The following VCAN variants were observed in gnomAD, a reference collection of about 807,000 sequenced individuals.
VCAN encodes versican.
In VCAN, 44 loss-of-function variants were observed where a neutral mutation model predicts 245.5. The ratio of observed to expected loss-of-function variants is 0.18; its 90% CI spans 0.14 to 0.23. The LOEUF (loss-of-function observed/expected upper bound fraction) is 0.23. Ranked by LOEUF, VCAN falls within the 10% of genes least tolerant of loss-of-function variation. The pLI, the probability that VCAN is intolerant of heterozygous loss-of-function variation, is 1.00. For synonymous variants in VCAN, 1,413 were observed against 1,437.0 expected, an observed-to-expected ratio of 0.98 and a Z score of 0.38; for missense variants, 3,793 against 4,057.9, an observed-to-expected ratio of 0.93 and a Z score of 1.77.
chr5:83,506,397 A>G (rs1403062582), intron 5 of VCAN, among the ~76,000 whole-genome samples: 2 of 152,178 alleles, frequency 1.3e-5, no homozygotes, highest in Admixed American at 6.5e-5. Context: ...AAGTTCCACA[A>G]ATCTCTAGGG....
At chr5:83,489,976 A>G (rs1193835783) in intron 2 of VCAN, 122 bp from the exon 3 acceptor site, 3 of 976,874 alleles carry the variant, frequency 3.1e-6, no homozygotes, top group Non-Finnish European at 4.6e-6. Context: ...AGTCATTCTA[A>G]TTATGTCACA....
At chr5:83,488,393 G>GGAAGCACACCAGAGCTAAAAGATTCCTT in intron 2 of VCAN, among the ~76,000 whole-genome samples, 1 of 152,204 alleles carries the variant, frequency 6.6e-6, no homozygotes, top group Non-Finnish European at 1.5e-5. Context: ...TAGGGGCAGA[G>GGAAGCACACCAGAGCTAAAAGATTCCTT]GAAGCACACC....
intron 7 of VCAN, among the ~76,000 whole-genome samples, chr5:83,526,361 G>A (rs1746301043): frequency 6.6e-6 from 1 of 152,146 alleles, no homozygotes; most frequent in South Asian, 2.1e-4. Context: ...ATTACTTTCT[G>A]ATTTGTTATT....
chr5:83,565,915 A>T (rs1393903977), intron 12 of VCAN, among the ~76,000 whole-genome samples: 1 of 149,720 alleles, frequency 6.7e-6, no homozygotes, highest in Non-Finnish European at 1.5e-5. Flanking sequence ...GGAAAAAAAA[A>T]CCTCCTGGTT....
chr5:83,493,510 G>A lies in VCAN; in HGVS notation c.446-36G>A, dbSNP rs1229129031. Reference sequence around the variant, plus strand: ...TTTTGCACAGTGCAGTGGGAGATTTGAACAGGCTGGCAATTGTTTGCTGTT... The same window carrying A: ...TTTTGCACAGTGCAGTGGGAGATTTAAACAGGCTGGCAATTGTTTGCTGTT... On this transcript the variant is annotated intron_variant, in intron 3 of 14. Transcript: ENST00000265077. 3.7e-6 allele frequency: 6 copies of A among 1,612,348 alleles called. No individual in the cohort carries two copies. The East Asian group carries it at 1.3e-4, about 36-fold the overall frequency.
At chr5:83,489,967 G>A in intron 2 of VCAN, 131 bp from the exon 3 acceptor site, 2 of 894,588 alleles carry the variant, frequency 2.2e-6, no homozygotes, top group Admixed American at 2.4e-5. Flanking sequence ...TTTATATAAA[G>A]TCATTCTAAT....
In VCAN at chr5:83,538,127, A is replaced by C. The variant is rs750840719; in HGVS notation, c.5124A>C (p.Glu1708Asp). The change falls in exon 8 of 15, where the codon GAA becomes GAC. Residue 1708 changes from glutamate (E) to aspartate (D), a missense_variant. Glu to Asp is a conservative substitution (Grantham distance 45). Around this residue, in one of 5 missense-constraint regions of VCAN, gnomAD observed 3,182 missense variants for 3,250.3 expected, o/e 0.98. Transcript: ENST00000265077. ...AKVVPTKFVSETDTSEWISST... is the reference protein window; with the variant it reads ...AKVVPTKFVSDTDTSEWISST... Reference sequence around the variant, plus strand: ...TGGTGCCTACCAAGTTTGTAAGTGAAACAGACACTTCTGAGTGGATTTCCA... The same window carrying C: ...TGGTGCCTACCAAGTTTGTAAGTGACACAGACACTTCTGAGTGGATTTCCA... The C allele has an allele frequency of 6.2e-7, 1 of 1,614,040 alleles. No homozygotes were observed. Among genetic ancestry groups the C allele is most frequent in the Non-Finnish European group, 8.5e-7 (1 of 1,179,954 alleles).
At chr5:83,572,327 A>C in intron 12 of VCAN, 89 bp from the exon 13 acceptor site, 9 of 1,492,580 alleles carry the variant, frequency 6.0e-6, no homozygotes, top group Non-Finnish European at 8.4e-6. Context: ...TGTTGAGTCT[A>C]TTCCAATTAG....
intron 7 of VCAN, among the ~76,000 whole-genome samples, chr5:83,529,502 A>G (rs933235093): frequency 6.6e-6 from 1 of 152,096 alleles, no homozygotes; most frequent in African/African-American, 2.4e-5. Context: ...GTATATGTAT[A>G]TGAATGTATG....
At chr5:83,519,212 C>A in intron 6 of VCAN, 137 bp from the exon 7 acceptor site, 2 of 757,492 alleles carry the variant, frequency 2.6e-6, no homozygotes, top group Non-Finnish European at 4.3e-6. Flanking sequence ...AGTTTTAAGA[C>A]TCCTCTCCAT....
intron 10 of VCAN, among the ~76,000 whole-genome samples, chr5:83,551,047 T>A (rs1293262419): frequency 6.6e-6 from 1 of 151,626 alleles, no homozygotes; most frequent in Non-Finnish European, 1.5e-5. Flanking sequence ...CCCAGTTTGG[T>A]TTTAACAGAA....
intron 7 of VCAN, among the ~76,000 whole-genome samples, chr5:83,522,702 T>C (rs1746152570): frequency 6.6e-6 from 1 of 152,208 alleles, no homozygotes; most frequent in African/African-American, 2.4e-5. Flanking sequence ...GTACTTACAA[T>C]GTGGACGGCT....
chr5:83,532,157 C>T (rs969416290), intron 7 of VCAN, among the ~76,000 whole-genome samples: 6 of 152,012 alleles, frequency 3.9e-5, no homozygotes, highest in Non-Finnish European at 7.4e-5. Flanking sequence ...CACAGGTGTA[C>T]CCCCCAACCC....
rs971293466 is a variant in VCAN at position 83,496,784 on chromosome 5, G to A, written c.748+2853G>A. ...AAGATCACAAAATCATTCTTGTAAG[G>A]CTTCTCTCATTTCTTAACTGAAGTA... is the stretch of plus-strand genomic sequence containing the variant. On this transcript the variant is annotated intron_variant, in intron 5 of 14. Coordinates refer to ENST00000265077, the MANE Select transcript of VCAN (RefSeq NM_004385.5). 2.6e-5 allele frequency among the ~76,000 whole-genome samples: 4 copies of A among 152,120 alleles called. No individual in the cohort carries two copies. In the East Asian group the frequency reaches 7.7e-4, roughly 29 times the overall value.
chr5:83,561,181 A>T (rs1182999942), intron 12 of VCAN, among the ~76,000 whole-genome samples: 3 of 152,082 alleles, frequency 2.0e-5, no homozygotes, highest in African/African-American at 7.2e-5. Flanking sequence ...CTTCCTGGGA[A>T]ATTATCACAG....
At chr5:83,509,717 CG>C (rs1561237724) in intron 5 of VCAN, among the ~76,000 whole-genome samples, 2 of 152,260 alleles carry the variant, frequency 1.3e-5, no homozygotes, top group African/African-American at 4.8e-5. Context: ...ACTGTTGGCA[CG>C]CTGCCTTCTT....
chr5:83,560,684 A>G (rs957821536), intron 12 of VCAN, among the ~76,000 whole-genome samples: 39 of 152,168 alleles, frequency 2.6e-4, no homozygotes, highest in Admixed American at 9.2e-4. Flanking sequence ...TGCTTTCATC[A>G]TACTGTTCTG....
At chr5:83,483,659 T>A in intron 2 of VCAN, 71 bp downstream of exon 2, 2 of 1,356,190 alleles carry the variant, frequency 1.5e-6, no homozygotes, top group Non-Finnish European at 2.1e-6. Context: ...GAAATGGCAA[T>A]GTGGAATCAC....
At chr5:83,503,839 T>C (rs1745404304) in intron 5 of VCAN, among the ~76,000 whole-genome samples, 1 of 152,230 alleles carries the variant, frequency 6.6e-6, no homozygotes, top group Non-Finnish European at 1.5e-5. Flanking sequence ...AAATATCCTA[T>C]CCTAGTTTTA....
Sources: gnomAD v4.1 joint callset for allele counts (sites outside exome capture counted in the v4.1 genomes callset) on GRCh38, gnomAD v4.1.1 for gene constraint, gnomAD v4.1.1 regional missense constraint, MANE v1.5 for transcripts, NCBI Gene and HGNC (gene_info 2026-07-23, HGNC 2026-07-21) for gene names.